The following ITGAD variants were observed in gnomAD, a reference collection of about 807,000 sequenced individuals.
The protein encoded by ITGAD is integrin alpha-D.
ITGAD carries 105 observed loss-of-function variants against 139.0 expected under a neutral mutation model. The ratio of observed to expected loss-of-function variants is 0.76; its 90% confidence interval spans 0.65 to 0.89. ITGAD has a LOEUF of 0.89. Ranked by LOEUF, ITGAD falls within the 40% of genes least tolerant of loss-of-function variation. The pLI is 0.00. For missense variants in ITGAD, 1,384 were observed against 1,487.3 expected, an observed-to-expected ratio of 0.93 and a Z score of 1.14; for synonymous variants, 569 against 598.3, an observed-to-expected ratio of 0.95 and a Z score of 0.71.
At position 31,423,923 on chromosome 16, in the gene ITGAD, C is replaced by T; in HGVS notation, c.3124C>T (p.Leu1042=). Residue 1042 remains leucine (L), a synonymous_variant, in exon 27 of 30, where the codon CTG becomes TTG. Coordinates refer to ENST00000389202, the MANE Select transcript of ITGAD (RefSeq NM_005353.3). The stretch of plus-strand genomic sequence containing the variant: ...CGTCCAGGAGGAGCTGGATTTCACC[C>T]TGAAGGGCAATCTCAGTTTCGGCTG... ...FSVQEELDFT[L]KGNLSFGWVR... 6.2e-7 allele frequency: 1 copy of T among 1,614,208 alleles called. No individual in the cohort carries two copies. Among genetic ancestry groups the T allele is most frequent in the African/African-American group, 1.3e-5 (1 of 75,052 alleles).
Position 31,402,256 on chromosome 16 carries a change from G to T in ITGAD, c.558+11G>T. 6.2e-7 allele frequency: 1 copy of T among 1,602,666 alleles called. No homozygotes were observed. The highest frequency in any genetic ancestry group is 1.1e-5 in the South Asian group (1 of 89,916). ...GGCACTGACACCCTGGTGAAGACTG[G>T]GCACCTGGGGCTGGGGTTTGGGGGA... On this transcript the variant is annotated intron_variant, in intron 6 of 29. Transcript: ENST00000389202.
At chr16:31,406,955 C>T (rs1229859371) in intron 7 of ITGAD, among the ~76,000 whole-genome samples, 1 of 152,174 alleles carries the variant, frequency 6.6e-6, no homozygotes, top group Non-Finnish European at 1.5e-5. Context: ...CTGCTTTGAA[C>T]CACACTGCCT....
chr16:31,413,024 C>G, intron 15 of ITGAD, 56 bp downstream of exon 15: 1 of 1,604,466 alleles, frequency 6.2e-7, no homozygotes, highest in South Asian at 1.1e-5. Flanking sequence ...ACCGGTGCTG[C>G]CTCCCCAGCC....
Position 31,411,150 on chromosome 16 carries a change from T to C in ITGAD, c.1431T>C (p.Ile477=), listed in dbSNP as rs1402067418. Residue 477 remains isoleucine (I), a synonymous_variant, in exon 13 of 30, where the codon ATT becomes ATC. Transcript: ENST00000389202. ...ATGGCAGCACCGACCTGATCCTCAT[T>C]GGGGCCCCCCATTACTATGAGCAGA... ...DSDGSTDLIL[I]GAPHYYEQTR... 6 of 1,613,646 alleles carry C rather than the reference T, an allele frequency of 3.7e-6. No individual in the cohort carries two copies. In the East Asian group the frequency reaches 1.1e-4, roughly 30 times the overall value.
At chr16:31,399,011 G>A (rs761720533) in intron 5 of ITGAD, among the ~76,000 whole-genome samples, 5 of 152,158 alleles carry the variant, frequency 3.3e-5, no homozygotes, top group Non-Finnish European at 5.9e-5. Context: ...CTTTCCTCTC[G>A]AAGAGGAGCA....
At chr16:31,410,677 G>A in intron 11 of ITGAD, 59 bp from the exon 12 acceptor site, 1 of 1,568,938 alleles carries the variant, frequency 6.4e-7, no homozygotes. Context: ...CTGGGGTGGG[G>A]GTCCAGGGTT....
rs1054898296 is a variant in ITGAD, at chr16:31,416,621, C to T, written c.2474C>T (p.Ser825Leu). 4 of 1,611,782 alleles carry T rather than the reference C, an allele frequency of 2.5e-6. No homozygotes were observed. The highest frequency in any genetic ancestry group is 2.7e-5 in the African/African-American group (2 of 75,016). Residue 825 changes from serine to leucine, a missense_variant, in exon 20 of 30, where the codon TCG (serine) becomes TTG (leucine). Physicochemically the swap from Ser to Leu is moderately radical, Grantham distance 145. Transcript: ENST00000389202. Reference protein sequence around the residue: ...VVSLYYPAGLSHRRVSGAQKQ... With the variant: ...VVSLYYPAGLLHRRVSGAQKQ... ...AGCCTCTACTATCCAGCAGGGCTGT[C>T]GCACCGACGGGTGTCAGGAGCCCAG...
In ITGAD at chr16:31,418,335, A is replaced by G. The variant is rs1275499799; in HGVS notation, c.2651A>G (p.Lys884Arg). 6.2e-7 allele frequency: 1 copy of G among 1,613,966 alleles called. No individual in the cohort carries two copies. Among genetic ancestry groups the G allele is most frequent in the South Asian group, 1.1e-5 (1 of 91,084 alleles). Residue 884 changes from lysine (K) to arginine (R), a missense_variant, in exon 22 of 30, where the codon AAG (lysine) becomes AGG (arginine). Physicochemically the swap from Lys to Arg is conservative, Grantham distance 26 (BLOSUM62 2). Transcript: ENST00000389202. ...ATAGTCACATTCGATGTCTCCTACA[A>G]GGCCACCCTGGGAGACAGGATGCTT... ...TFIVTFDVSY[K>R]ATLGDRMLMR... is the part of the protein sequence containing the mutation.
At chr16:31,395,313 C>CGT (rs1416557311) in intron 2 of ITGAD, among the ~76,000 whole-genome samples, 1 of 151,262 alleles carries the variant, frequency 6.6e-6, no homozygotes, top group Non-Finnish European at 1.5e-5. Flanking sequence ...GAGTGAGACT[C>CGT]CGTCAAAAAA....
intron 5 of ITGAD, among the ~76,000 whole-genome samples, chr16:31,398,877 C>T (rs969247523): frequency 6.6e-6 from 1 of 152,134 alleles, no homozygotes; most frequent in Non-Finnish European, 1.5e-5. Context: ...GGTGCATGGC[C>T]ACTTCTTGAG....
Position 31,410,968 on chromosome 16 carries a change from C to A in ITGAD, c.1356+90C>A, listed in dbSNP as rs533645981. 9.7e-5 allele frequency: 154 copies of A among 1,594,812 alleles called. 1 individual carries two copies. In the African/African-American group the frequency reaches 1.9e-3, roughly 19 times the overall value. On this transcript the variant is annotated intron_variant, in intron 12 of 29. Coordinates refer to ENST00000389202, the MANE Select transcript of ITGAD (RefSeq NM_005353.3). ...CGGGGCTAGGGAGAGGATGGAGGGG[C>A]TTTGGGGGCCTTGGGAGAGGTCCTG...
chr16:31,418,323 A>T lies in ITGAD; in HGVS notation c.2639A>T (p.Asp880Val). The T allele has an allele frequency of 6.2e-7, 1 of 1,613,792 alleles. No individual in the cohort carries two copies. The highest frequency in any genetic ancestry group is 2.2e-5 in the East Asian group (1 of 44,860). The change falls in exon 22 of 30, where the codon GAT becomes GTT. Residue 880 changes from aspartate to valine, a missense_variant. Coordinates refer to ENST00000389202, the MANE Select transcript of ITGAD (RefSeq NM_005353.3). ...GSNGTFIVTF[D>V]VSYKATLGDR... Reference sequence around the variant, plus strand: ...CAGGGCACCTTCATAGTCACATTCGATGTCTCCTACAAGGCCACCCTGGGA... The same window carrying T: ...CAGGGCACCTTCATAGTCACATTCGTTGTCTCCTACAAGGCCACCCTGGGA...
In ITGAD at chr16:31,403,485, C is replaced by A; in HGVS notation, c.559-15C>A. 1.2e-6 allele frequency: 2 copies of A among 1,614,098 alleles called. No homozygotes were observed. The highest frequency in any genetic ancestry group is 8.5e-7 in the Non-Finnish European group (1 of 1,179,988). ...CAGGCACTGAGCCCTGGGCCCTCCC[C>A]ACTGGCCTTTGCAGTTTGCACTGAT... On this transcript the variant is annotated splice_polypyrimidine_tract_variant and intron_variant, in intron 6 of 29. Transcript: ENST00000389202. This position sits in a 1 kb window ranked among gnomAD's most constrained non-coding sequence, Gnocchi z 4.4.
At position 31,414,940 on chromosome 16, in the gene ITGAD, G is replaced by C; in HGVS notation, c.2232G>C (p.Gln744His). Residue 744 changes from glutamine (Q) to histidine (H), a missense_variant, in exon 18 of 30, where the codon CAG becomes CAC. Transcript: ENST00000389202. ...SLVREPIPSP[Q>H]NLRPVLAVGS... Reference sequence around the variant, plus strand: ...TGAGAGAGCCCATCCCCTCCCCCCAGAACCTGCGTCCTGTGCTGGCCGTGG... The same window carrying C: ...TGAGAGAGCCCATCCCCTCCCCCCACAACCTGCGTCCTGTGCTGGCCGTGG... The C allele has an allele frequency of 6.2e-7, 1 of 1,614,126 alleles. No individual in the cohort carries two copies. The highest frequency in any genetic ancestry group is 8.5e-7 in the Non-Finnish European group (1 of 1,180,012).
intron 5 of ITGAD, among the ~76,000 whole-genome samples, chr16:31,399,807 C>G (rs1259684007): frequency 6.6e-6 from 1 of 152,186 alleles, no homozygotes; most frequent in African/African-American, 2.4e-5. Flanking sequence ...GTGTGCCAAG[C>G]AGTGCTGAAT....
intron 7 of ITGAD, among the ~76,000 whole-genome samples, chr16:31,405,818 T>C (rs2081525637): frequency 6.6e-6 from 1 of 152,008 alleles, no homozygotes; most frequent in African/African-American, 2.4e-5. Flanking sequence ...TTAAAAAACA[T>C]TTTTTGTAGA....
rs1374697259 is a variant in ITGAD at position 31,423,975 on chromosome 16, G to A, written c.3159+17G>A. 3.1e-6 allele frequency: 5 copies of A among 1,612,626 alleles called. No homozygotes were observed. The highest frequency in any genetic ancestry group is 2.2e-5 in the South Asian group (2 of 91,052). ...GTCCGCGAGGTGTGTGGGGGCAGCG[G>A]CAGAGCCCCTGCCCCAGACTCAGGC... is the stretch of plus-strand genomic sequence containing the variant. On this transcript the variant is annotated intron_variant, in intron 27 of 29. Coordinates refer to ENST00000389202, the MANE Select transcript of ITGAD (RefSeq NM_005353.3).
chr16:31,396,214 A>G (rs776944358), intron 2 of ITGAD, among the ~76,000 whole-genome samples: 1 of 152,180 alleles, frequency 6.6e-6, no homozygotes, highest in Non-Finnish European at 1.5e-5. Flanking sequence ...GCTCATGCCT[A>G]TAATCCTAGA....
intron 23 of ITGAD, among the ~76,000 whole-genome samples, chr16:31,420,886 T>G (rs774605785): frequency 3.9e-5 from 6 of 151,988 alleles, no homozygotes; most frequent in East Asian, 1.9e-4. Flanking sequence ...CCACTGTTGC[T>G]TCTGATGTAT....
Sources: allele counts gnomAD v4.1 joint callset (sites outside exome capture counted in the v4.1 genomes callset), GRCh38; gene constraint gnomAD v4.1.1; non-coding constraint Gnocchi (gnomAD v3.1); transcripts MANE v1.5; gene names NCBI Gene and HGNC (gene_info 2026-07-23, HGNC 2026-07-21).